The following ATP13A5 variants were observed in gnomAD, a reference collection of about 807,000 sequenced individuals.
The protein encoded by ATP13A5 is ATPase 13A5.
ATP13A5 carries 149 observed loss-of-function variants against 150.2 expected under a neutral mutation model. The observed-to-expected ratio is 0.99, with a 90% confidence interval of 0.87 to 1.14. ATP13A5 has a LOEUF of 1.14. ATP13A5 is among the 50% of genes most tolerant of loss of function. The pLI, the probability that ATP13A5 is intolerant of heterozygous loss-of-function variation, is 0.00. For synonymous variants in ATP13A5, 497 were observed against 522.2 expected, an observed-to-expected ratio of 0.95 and a Z score of 0.66; for missense variants, 1,383 against 1,449.3, an observed-to-expected ratio of 0.95 and a Z score of 0.74.
rs1043870788 is a variant in ATP13A5 at position 193,315,178 on chromosome 3, A to G, written c.2034-82T>C. 1.1e-5 allele frequency: 16 copies of G among 1,407,114 alleles called. No homozygotes were observed. The African/African-American group carries it at 1.6e-4, about 14-fold the overall frequency. 87.2% of individuals were successfully genotyped at this position (1,407,114 alleles called of 1,614,324 possible). On this transcript the variant is annotated intron_variant, in intron 17 of 29. Transcript: ENST00000342358. The stretch of plus-strand genomic sequence containing the variant: ...AATTTATTTCTTCTTTTAAAAATTT[A>G]TAAGTTTTATTAATGCAATACAGGC...
rs770938127 is a variant in ATP13A5, at chr3:193,281,986, G to A, written c.3227-2532C>T. The stretch of plus-strand genomic sequence containing the variant: ...CGAAGCGGGTGGATCACGAGGTCAG[G>A]AGTTCAAGACCAGCCTGGCCAAGAT... On this transcript the variant is annotated intron_variant, in intron 27 of 29. Coordinates refer to ENST00000342358, the MANE Select transcript of ATP13A5 (RefSeq NM_198505.4). 6.4e-4 allele frequency among the ~76,000 whole-genome samples: 98 copies of A among 152,124 alleles called. 1 individual carries two copies. The highest frequency in any genetic ancestry group is 1.0e-3 in the Non-Finnish European group (70 of 67,988).
intron 24 of ATP13A5, among the ~76,000 whole-genome samples, chr3:193,300,240 C>A (rs147422953): frequency 2.6e-5 from 4 of 152,218 alleles, no homozygotes; most frequent in Non-Finnish European, 5.9e-5. Context: ...TGAGATGGAG[C>A]AGGAAGAAAT....
chr3:193,321,953 T>C (rs766342637), intron 15 of ATP13A5, 116 bp from the exon 16 acceptor site: 11 of 1,190,392 alleles, frequency 9.2e-6, no homozygotes, highest in Non-Finnish European at 1.3e-5. Context: ...ATGTAGTATA[T>C]TTGTCACAAC....
intron 17 of ATP13A5, among the ~76,000 whole-genome samples, chr3:193,317,719 T>G (rs1207785215): frequency 6.6e-6 from 1 of 152,226 alleles, no homozygotes; most frequent in African/African-American, 2.4e-5. Context: ...AGAAGTATAA[T>G]AAGTTCCTGA....
At chr3:193,343,357 C>G (rs1299451921) in intron 9 of ATP13A5, among the ~76,000 whole-genome samples, 1 of 152,144 alleles carries the variant, frequency 6.6e-6, no homozygotes, top group African/African-American at 2.4e-5. Context: ...ACTGCCTGAA[C>G]TATAACTAGA....
intron 9 of ATP13A5, among the ~76,000 whole-genome samples, chr3:193,338,589 C>G (rs1425309149): frequency 6.6e-6 from 1 of 152,092 alleles, no homozygotes; most frequent in Non-Finnish European, 1.5e-5. Context: ...AAGCCGACTT[C>G]ATCATGGTGG....
intron 25 of ATP13A5, among the ~76,000 whole-genome samples, chr3:193,290,938 C>A (rs1416697573): frequency 1.3e-5 from 2 of 152,110 alleles, no homozygotes; most frequent in Non-Finnish European, 2.9e-5. Context: ...GTCTTCATAC[C>A]TGTCACCTCT....
intron 11 of ATP13A5, among the ~76,000 whole-genome samples, chr3:193,331,912 A>G (rs1711642540): frequency 6.6e-6 from 1 of 152,234 alleles, no homozygotes; most frequent in Non-Finnish European, 1.5e-5. Context: ...CCAAGGCCAC[A>G]TACTAGGTAA....
At chr3:193,336,586 A>G (rs1345752496) in intron 9 of ATP13A5, among the ~76,000 whole-genome samples, 1 of 152,224 alleles carries the variant, frequency 6.6e-6, no homozygotes, top group African/African-American at 2.4e-5. Flanking sequence ...TTATGGCTGC[A>G]TAGTATTCCA....
In ATP13A5 at chr3:193,312,036, CAG is replaced by C. The variant is rs982523711; in HGVS notation, c.2320-97_2320-96del. 2.0e-6 allele frequency: 3 copies of C among 1,495,788 alleles called. No individual in the cohort carries two copies. The African/African-American group carries it at 4.2e-5, about 21-fold the overall frequency. The allele number at this position is 1,495,788 out of a possible 1,614,324, so 92.7% of individuals were successfully genotyped here. ...AAGGAAGAGTTTTCATGTTGCCTAA[CAG>C]TGTGAAGGTCAGCAACAAAATAATG... is the stretch of plus-strand genomic sequence containing the variant. On this transcript the variant is annotated intron_variant, in intron 19 of 29. Transcript: ENST00000342358.
intron 25 of ATP13A5, among the ~76,000 whole-genome samples, chr3:193,291,153 C>T (rs1405542230): frequency 1.3e-5 from 2 of 152,112 alleles, no homozygotes; most frequent in Non-Finnish European, 2.9e-5. Flanking sequence ...TTCATTTTCT[C>T]ACATATAAAA....
At position 193,333,767 on chromosome 3, in the gene ATP13A5, C is replaced by A; in HGVS notation, c.1255G>T (p.Val419Leu). ...GTACTTACTCCATGGTACATATATA[C>A]CCCTAGGGCATAGAAAAAACCCATG... The part of the protein sequence containing the change: ...GVMGFFYALG[V>L]YMYHGVPPKD... Residue 419 changes from valine to leucine, a missense_variant, in exon 11 of 30, where the codon GTA (valine) becomes TTA (leucine). Val to Leu is a conservative substitution (Grantham distance 32). Around this residue, in one of 3 missense-constraint regions of ATP13A5, gnomAD observed 787 missense variants for 771.9 expected, o/e 1.02. Coordinates refer to ENST00000342358, the MANE Select transcript of ATP13A5 (RefSeq NM_198505.4). The A allele has an allele frequency of 1.2e-6, 2 of 1,613,722 alleles. No individual in the cohort carries two copies. Among genetic ancestry groups the A allele is most frequent in the Non-Finnish European group, 1.7e-6 (2 of 1,179,776 alleles).
At position 193,312,213 on chromosome 3, in the gene ATP13A5, C is replaced by A. The variant is rs140593853; in HGVS notation, c.2320-272G>T. Among the ~76,000 whole-genome samples the A allele has an allele frequency of 4.2e-3, 637 of 152,312 alleles. 4 individuals are homozygous for A. Among genetic ancestry groups the A allele is most frequent in the African/African-American group, 0.015 (620 of 41,576 alleles). On this transcript the variant is annotated intron_variant, in intron 19 of 29. Coordinates refer to ENST00000342358, the MANE Select transcript of ATP13A5 (RefSeq NM_198505.4). ...TATGATGTCAGTCTACTGAAGAAATCCAACCATTCTTAGGTCCCAAATAGT... is the reference window on the plus strand; with the variant it reads ...TATGATGTCAGTCTACTGAAGAAATACAACCATTCTTAGGTCCCAAATAGT...
intron 6 of ATP13A5, among the ~76,000 whole-genome samples, chr3:193,353,531 T>C (rs1712650389): frequency 6.6e-6 from 1 of 152,128 alleles, no homozygotes; most frequent in Non-Finnish European, 1.5e-5. Flanking sequence ...TCTAAATTCA[T>C]AGGTTGAAGC....
At chr3:193,360,573 C>G (rs1209536541) in intron 5 of ATP13A5, among the ~76,000 whole-genome samples, 1 of 152,194 alleles carries the variant, frequency 6.6e-6, no homozygotes, top group Non-Finnish European at 1.5e-5. Context: ...CCCCAAATAA[C>G]ATAAATATGA....
intron 9 of ATP13A5, among the ~76,000 whole-genome samples, chr3:193,337,785 T>C (rs953550616): frequency 1.3e-5 from 2 of 152,208 alleles, no homozygotes; most frequent in African/African-American, 4.8e-5. Context: ...ATTGGTAGCT[T>C]GATGGGGATG....
At chr3:193,362,803 T>TTCTCTCTTTCTTTCTCTCTTTCTTTCTC (rs1560151102) in intron 3 of ATP13A5, among the ~76,000 whole-genome samples, 166 bp from the exon 4 acceptor site, 1 of 52,236 alleles carries the variant, frequency 1.9e-5, no homozygotes, top group African/African-American at 5.2e-5. Flanking sequence ...CTTTCTTTCT[T>TTCTCTCTTTCTTTCTCTCTTTCTTTCTC]TCTTTCTTTC....
intron 25 of ATP13A5, 80 bp downstream of exon 25, chr3:193,299,051 A>G (rs1231645943): frequency 5.6e-6 from 7 of 1,249,892 alleles, no homozygotes; most frequent in Non-Finnish European, 7.8e-6. Context: ...CTCTTTCTCA[A>G]AAGTTCCTTT....
At position 193,362,761 on chromosome 3, in the gene ATP13A5, CTTTCT is replaced by C. The variant is rs1560150964; in HGVS notation, c.385-129_385-125del. ...TCTCACTTGCTTTCCTTCTTTCTTT[CTTTCT>C]TTCTTTCTTTCTTTCTTTCTTTCTT... On this transcript the variant is annotated intron_variant, in intron 3 of 29. Coordinates refer to ENST00000342358, the MANE Select transcript of ATP13A5 (RefSeq NM_198505.4). 43 of 133,620 alleles carry C rather than the reference CTTTCT, an allele frequency of 3.2e-4. 2 individuals carry two copies. The highest frequency in any genetic ancestry group is 2.0e-3 in the African/African-American group (39 of 19,420). 8.3% of individuals were successfully genotyped at this position (133,620 alleles called of 1,614,324 possible).
Sources: gnomAD v4.1 joint callset for allele counts (sites outside exome capture counted in the v4.1 genomes callset) on GRCh38, gnomAD v4.1.1 for gene constraint, gnomAD v4.1.1 regional missense constraint, MANE v1.5 for transcripts, NCBI Gene and HGNC (gene_info 2026-07-23, HGNC 2026-07-21) for gene names.